Variants in DTNB observed in about 807,000 individuals in gnomAD.
DTNB encodes the protein DTN-B.
A neutral mutation model predicts 90.7 loss-of-function variants in DTNB; 63 were observed. The observed-to-expected ratio is 0.69, with a 90% CI of 0.57 to 0.86. The LOEUF (loss-of-function observed/expected upper bound fraction) is 0.86. Among genes scored for constraint, DTNB ranks in the 40% least tolerant of loss-of-function variants. The pLI, the probability that DTNB is intolerant of heterozygous loss-of-function variation, is 0.00. For missense variants in DTNB, 744 were observed against 807.1 expected (o/e 0.92, Z 0.95); for synonymous variants, 277 against 286.7 (o/e 0.97, Z 0.34).
chr2:25,601,683 G>C (rs1052129893), intron 5 of DTNB, among the ~76,000 whole-genome samples: 1 of 152,048 alleles, frequency 6.6e-6, no homozygotes, highest in African/African-American at 2.4e-5. Context: ...TTACATGTTT[G>C]CTTTCCCTGG....
intron 9 of DTNB, among the ~76,000 whole-genome samples, chr2:25,523,380 C>T (rs2076487599): frequency 6.6e-6 from 1 of 152,172 alleles, no homozygotes; most frequent in Non-Finnish European, 1.5e-5. Context: ...TGGCTCACGC[C>T]TGTTATCTCA....
intron 16 of DTNB, among the ~76,000 whole-genome samples, chr2:25,397,877 C>CAAAAAAA (rs56318909): frequency 1.4e-5 from 1 of 73,152 alleles, no homozygotes; most frequent in Non-Finnish European, 2.8e-5. Flanking sequence ...AAGACTGTCT[C>CAAAAAAA]AAAAAAAAAA....
intron 1 of DTNB, among the ~76,000 whole-genome samples, chr2:25,653,872 T>C (rs2081538895): frequency 6.6e-6 from 1 of 152,116 alleles, no homozygotes; most frequent in South Asian, 2.1e-4. Flanking sequence ...AGAGGGAAGA[T>C]GCCGTTCGTT....
At chr2:25,556,128 C>T (rs2057302524) in intron 8 of DTNB, among the ~76,000 whole-genome samples, 1 of 148,192 alleles carries the variant, frequency 6.7e-6, no homozygotes, top group Admixed American at 6.7e-5. Flanking sequence ...TAAACTTAAT[C>T]ATTTCACTAC....
At chr2:25,571,949 G>A (rs1217446419) in intron 8 of DTNB, among the ~76,000 whole-genome samples, 1 of 152,170 alleles carries the variant, frequency 6.6e-6, no homozygotes, top group African/African-American at 2.4e-5. Context: ...TTTAAGCAAA[G>A]GAAACCGTGG....
At chr2:25,469,227 C>G (rs1288729215) in intron 10 of DTNB, among the ~76,000 whole-genome samples, 1 of 152,086 alleles carries the variant, frequency 6.6e-6, no homozygotes, top group Non-Finnish European at 1.5e-5. Flanking sequence ...AAAGTTGAAA[C>G]TTGGGTGATA....
At position 25,525,645 on chromosome 2, in the gene DTNB, A is replaced by C. The variant is rs2076950610; in HGVS notation, c.1001+5828T>G. Among the ~76,000 whole-genome samples the C allele has an allele frequency of 2.6e-5, 4 of 152,160 alleles. No individual in the cohort carries two copies. In the South Asian group the frequency reaches 8.3e-4, roughly 32 times the overall value. On this transcript the variant is annotated intron_variant, in intron 9 of 20. Transcript: ENST00000406818. Reference sequence around the variant, plus strand: ...GAGCGAAATTCCGTCTCAAAAAAAAAAGAAAAAAAAATCCAAGGCAAATAT... The same window carrying C: ...GAGCGAAATTCCGTCTCAAAAAAAACAGAAAAAAAAATCCAAGGCAAATAT...
chr2:25,526,571 T>G lies in DTNB; in HGVS notation c.1001+4902A>C, dbSNP rs147448505. The stretch of plus-strand genomic sequence containing the variant: ...CCGCCACGCCTGGCTAATTTTAGTA[T>G]TTTCAGTAGAGACAGGATTTCACCA... On this transcript the variant is annotated intron_variant, in intron 9 of 20. Transcript: ENST00000406818. 3.9e-3 allele frequency among the ~76,000 whole-genome samples: 590 copies of G among 151,580 alleles called. 2 individuals carry two copies. The highest frequency in any genetic ancestry group is 0.013 in the African/African-American group (550 of 41,260).
At chr2:25,673,054 A>C (rs1239815441) in intron 1 of DTNB, 2 of 152,000 alleles carry the variant, frequency 1.3e-5, no homozygotes, top group Non-Finnish European at 2.9e-5. Context: ...CCTCCAGGCG[A>C]GCCGGGCTCG....
At chr2:25,413,682 T>C (rs1408871110) in intron 16 of DTNB, among the ~76,000 whole-genome samples, 1 of 151,894 alleles carries the variant, frequency 6.6e-6, no homozygotes, top group Non-Finnish European at 1.5e-5. Context: ...TTCCAAGTCT[T>C]TGGACATTTG....
chr2:25,438,224 T>A (rs2056471159), intron 12 of DTNB, among the ~76,000 whole-genome samples: 1 of 152,070 alleles, frequency 6.6e-6, no homozygotes, highest in African/African-American at 2.4e-5. Flanking sequence ...TCTTTTGGCT[T>A]CCCTGGGCCA....
rs1449186505 is a variant in DTNB, at chr2:25,424,025, CA to C, written c.1554+3509del. Among the ~76,000 whole-genome samples the C allele has an allele frequency of 1.3e-5, 2 of 152,176 alleles. No individual in the cohort carries two copies. The highest frequency in any genetic ancestry group is 4.8e-5 in the African/African-American group (2 of 41,444). The stretch of plus-strand genomic sequence containing the variant: ...ATATATATTTCTAATAGTAGGAAAA[CA>C]CTGAAATTTTAACAGAAGTCAGTAA... On this transcript the variant is annotated intron_variant, in intron 15 of 20. Transcript: ENST00000406818. This position sits in a 1 kb window ranked among gnomAD's most constrained non-coding sequence, Gnocchi z 4.1.
intron 5 of DTNB, among the ~76,000 whole-genome samples, chr2:25,602,223 T>C (rs1181660140): frequency 6.6e-6 from 1 of 152,220 alleles, no homozygotes; most frequent in Non-Finnish European, 1.5e-5. Flanking sequence ...CTTGGGCTTC[T>C]GGTGTTGACT....
At position 25,507,234 on chromosome 2, in the gene DTNB, G is replaced by A. The variant is rs867707300; in HGVS notation, c.1001+24239C>T. ...TCATTTTGAAGATGGTAAACTTTTGGATCCAGCAGTACTTTAGTACTTTTT... is the reference window on the plus strand; with the variant it reads ...TCATTTTGAAGATGGTAAACTTTTGAATCCAGCAGTACTTTAGTACTTTTT... On this transcript the variant is annotated intron_variant, in intron 9 of 20. Coordinates refer to ENST00000406818, the MANE Select transcript of DTNB (RefSeq NM_021907.5). Among the ~76,000 whole-genome samples the A allele has an allele frequency of 6.6e-5, 10 of 152,232 alleles. No individual in the cohort carries two copies. The South Asian group carries it at 2.1e-3, about 32-fold the overall frequency.
At chr2:25,663,587 G>A (rs577659755) in intron 1 of DTNB, among the ~76,000 whole-genome samples, 2 of 152,058 alleles carry the variant, frequency 1.3e-5, no homozygotes, top group East Asian at 3.8e-4. Flanking sequence ...AAATTCTCTG[G>A]TAAGTCTTAT....
intron 19 of DTNB, among the ~76,000 whole-genome samples, chr2:25,381,005 A>C (rs188740588): frequency 6.6e-6 from 1 of 152,346 alleles, no homozygotes; most frequent in Non-Finnish European, 1.5e-5. Context: ...GTTCGTGGCC[A>C]GGGCAAGGCC....
intron 4 of DTNB, among the ~76,000 whole-genome samples, chr2:25,610,768 G>A (rs1180637202): frequency 6.6e-6 from 1 of 151,548 alleles, no homozygotes; most frequent in African/African-American, 2.4e-5. Context: ...GGAGTGCAGT[G>A]GTGTGATCTT....
chr2:25,498,437 A>G (rs983246616), intron 9 of DTNB, among the ~76,000 whole-genome samples: 1 of 152,178 alleles, frequency 6.6e-6, no homozygotes, highest in Admixed American at 6.5e-5. Flanking sequence ...TCAGAAATAT[A>G]ATAAAAACAA....
chr2:25,610,162 A>G (rs2068208462), intron 4 of DTNB, among the ~76,000 whole-genome samples: 1 of 152,046 alleles, frequency 6.6e-6, no homozygotes, highest in Non-Finnish European at 1.5e-5. Flanking sequence ...CCAGGCTGAA[A>G]TACAGTGGCG....
Sources: allele counts gnomAD v4.1 joint callset (sites outside exome capture counted in the v4.1 genomes callset), GRCh38; gene constraint gnomAD v4.1.1; non-coding constraint Gnocchi (gnomAD v3.1); transcripts MANE v1.5; gene names NCBI Gene and HGNC (gene_info 2026-07-23, HGNC 2026-07-21).